DDX19A: variants seen among roughly 807,000 people sequenced by gnomAD.
DDX19A encodes ATP-dependent RNA helicase DDX19A.
A neutral mutation model predicts 60.6 loss-of-function variants in DDX19A; 12 were observed. That is an observed-to-expected ratio of 0.20 (90% CI 0.13 to 0.32). The LOEUF is 0.32. DDX19A is among the 10% of genes least tolerant of loss of function. DDX19A has a pLI of 1.00. For missense variants in DDX19A, 337 were observed against 600.6 expected, an observed-to-expected ratio of 0.56 and a Z score of 4.59; for synonymous variants, 206 against 218.2, an observed-to-expected ratio of 0.94 and a Z score of 0.49.
chr16:70,355,710 C>A, intron 3 of DDX19A, 175 bp downstream of exon 3: 2 of 624,870 alleles, frequency 3.2e-6, no homozygotes, highest in Non-Finnish European at 5.7e-6. Flanking sequence ...ACCTGTAATC[C>A]CAGCACTTTG....
intron 9 of DDX19A, among the ~76,000 whole-genome samples, chr16:70,368,766 T>A (rs1427873595): frequency 1.3e-5 from 2 of 152,182 alleles, no homozygotes; most frequent in African/African-American, 4.8e-5. Context: ...GTTTTGCTTG[T>A]TGCATTTAGT....
intron 7 of DDX19A, chr16:70,365,361 G>A (rs1964490258): frequency 2.8e-6 from 1 of 355,498 alleles, no homozygotes; most frequent in African/African-American, 2.1e-5. Context: ...ATGGCTCACA[G>A]AGTTCTTAAT....
intron 11 of DDX19A, among the ~76,000 whole-genome samples, 166 bp from the exon 12 acceptor site, chr16:70,371,759 G>A (rs968111983): frequency 1.2e-4 from 18 of 152,204 alleles, no homozygotes; most frequent in Non-Finnish European, 2.4e-4. Context: ...GCTCCCCTGT[G>A]ACTGGGCTTC....
Position 70,347,816 on chromosome 16 carries a change from G to A in DDX19A, c.57+768G>A, listed in dbSNP as rs186687101. ...AGCGATTCTCCTGCCTCAGTCTCCC[G>A]AGTAGCTGGGATTACAGGCATGCGC... On this transcript the variant is annotated intron_variant, in intron 1 of 11. Transcript: ENST00000302243. 1,141 of 239,358 alleles carry A rather than the reference G, an allele frequency of 4.8e-3. 13 individuals are homozygous for A. Among genetic ancestry groups the A allele is most frequent in the African/African-American group, 0.024 (1,006 of 42,246 alleles). The allele number at this position is 239,358 out of a possible 1,614,324, so 14.8% of individuals were successfully genotyped here. A position where few individuals can be genotyped will look rare whatever the true frequency, so the allele number is the denominator to read the frequency against.
chr16:70,348,436 G>A (rs1480817793), intron 1 of DDX19A, among the ~76,000 whole-genome samples: 3 of 151,980 alleles, frequency 2.0e-5, no homozygotes, highest in Non-Finnish European at 4.4e-5. Context: ...TACCAGCCTG[G>A]CCAACATAGT....
intron 4 of DDX19A, among the ~76,000 whole-genome samples, chr16:70,359,849 C>T (rs567326117): frequency 6.6e-6 from 1 of 152,216 alleles, no homozygotes; most frequent in South Asian, 2.1e-4. Flanking sequence ...GAGAACGTCT[C>T]TCAGAAAGAA....
At chr16:70,355,701 C>G (rs1325568595) in intron 3 of DDX19A, 166 bp downstream of exon 3, 2 of 635,974 alleles carry the variant, frequency 3.1e-6, no homozygotes, top group South Asian at 3.8e-5. Context: ...GTAGCTCACA[C>G]CTGTAATCCC....
chr16:70,371,287 T>A, intron 10 of DDX19A, 85 bp from the exon 11 acceptor site: 1 of 1,612,404 alleles, frequency 6.2e-7, no homozygotes, highest in Non-Finnish European at 8.5e-7. Flanking sequence ...ATCCCAAAGT[T>A]GGTACGCATT....
chr16:70,367,599 G>A (rs544250811), intron 9 of DDX19A, among the ~76,000 whole-genome samples: 8 of 150,842 alleles, frequency 5.3e-5, no homozygotes, highest in Non-Finnish European at 8.9e-5. Context: ...AAGAGACACC[G>A]GAGCACGGTG....
intron 3 of DDX19A, 119 bp from the exon 4 acceptor site, chr16:70,355,993 G>A: frequency 7.6e-7 from 1 of 1,307,516 alleles, no homozygotes; most frequent in African/African-American, 1.5e-5. Flanking sequence ...TCAGTGTGAT[G>A]GTTTTTCTCC....
intron 9 of DDX19A, among the ~76,000 whole-genome samples, chr16:70,368,993 G>A (rs771704009): frequency 2.0e-5 from 3 of 148,562 alleles, no homozygotes; most frequent in Non-Finnish European, 3.0e-5. Context: ...CAGCCTTCCC[G>A]GGTAGCTGGG....
intron 4 of DDX19A, among the ~76,000 whole-genome samples, chr16:70,357,220 C>A (rs1294189479): frequency 8.8e-5 from 13 of 147,492 alleles, no homozygotes; most frequent in African/African-American, 2.3e-4. Context: ...GTTCGTGCCA[C>A]TGCACTCCAG....
intron 9 of DDX19A, 44 bp downstream of exon 9, chr16:70,366,905 C>T (rs373195615): frequency 1.2e-6 from 2 of 1,609,518 alleles, no homozygotes; most frequent in East Asian, 2.2e-5. Context: ...TCCCTCTCAG[C>T]CAGCTCCCCA....
At chr16:70,356,287 C>G (rs780607979) in intron 4 of DDX19A, 40 bp downstream of exon 4, 2 of 1,611,130 alleles carry the variant, frequency 1.2e-6, no homozygotes, top group South Asian at 2.2e-5. Context: ...CGTTGCCAGT[C>G]TCTCCCCACA....
At position 70,364,594 on chromosome 16, in the gene DDX19A, C is replaced by A. The variant is rs761746041; in HGVS notation, c.438C>A (p.Ala146=). Residue 146 remains alanine (A), a synonymous_variant, in exon 6 of 12, where the codon GCC becomes GCA. Coordinates refer to ENST00000302243, the MANE Select transcript of DDX19A (RefSeq NM_018332.5). The part of the protein sequence containing the change: ...QSQSGTGKTA[A]FVLAMLSRVE... ...AGTCTGGCACTGGTAAAACAGCTGC[C>A]TTTGTCTTAGCCATGCTCAGCCGAG... is the stretch of plus-strand genomic sequence containing the variant. 6.2e-7 allele frequency: 1 copy of A among 1,614,188 alleles called. No individual in the cohort carries two copies. The highest frequency in any genetic ancestry group is 8.5e-7 in the Non-Finnish European group (1 of 1,180,034).
At position 70,372,013 on chromosome 16, in the gene DDX19A, C is replaced by T. The variant is rs1336577184; in HGVS notation, c.*27C>T. 1.2e-5 allele frequency: 19 copies of T among 1,613,884 alleles called. No homozygotes were observed. In the Middle Eastern group the frequency reaches 5.0e-4, roughly 42 times the overall value. Reference sequence around the variant, plus strand: ...AAGCTCCACCAGCCACTGATGCCAGCCCTGGCACTGCCCCTGCACAGGAGA... The same window carrying T: ...AAGCTCCACCAGCCACTGATGCCAGTCCTGGCACTGCCCCTGCACAGGAGA... On this transcript the variant is annotated 3_prime_UTR_variant, in exon 12 of 12. Coordinates refer to ENST00000302243, the MANE Select transcript of DDX19A (RefSeq NM_018332.5).
chr16:70,370,607 A>G (rs1964655141), intron 10 of DDX19A: 1 of 639,646 alleles, frequency 1.6e-6, no homozygotes, highest in African/African-American at 1.8e-5. Context: ...AAGGCAGGAA[A>G]ATTGCTTGAA....
At chr16:70,348,253 T>C (rs187327194) in intron 1 of DDX19A, among the ~76,000 whole-genome samples, 1 of 152,172 alleles carries the variant, frequency 6.6e-6, no homozygotes, top group African/African-American at 2.4e-5. Flanking sequence ...AGGTTTCTGT[T>C]TTCAACCTGG....
intron 2 of DDX19A, 151 bp downstream of exon 2, chr16:70,350,756 C>T (rs539690610): frequency 4.4e-5 from 24 of 540,092 alleles, no homozygotes; most frequent in Non-Finnish European, 6.5e-5. Flanking sequence ...AGGGATATGT[C>T]GATTTTCCAC....
Sources: gnomAD v4.1 joint callset for allele counts (sites outside exome capture counted in the v4.1 genomes callset) on GRCh38, gnomAD v4.1.1 for gene constraint, MANE v1.5 for transcripts, NCBI Gene and HGNC (gene_info 2026-07-23, HGNC 2026-07-21) for gene names.